The following KAT14 variants were observed in gnomAD, a reference collection of about 807,000 sequenced individuals.
The protein encoded by KAT14 is cysteine-rich protein 2-binding protein.
KAT14 carries 66 observed loss-of-function variants against 78.4 expected under a neutral mutation model. That is an observed-to-expected ratio of 0.84 (90% CI 0.69 to 1.03). KAT14 has a LOEUF of 1.03. KAT14 is among the 50% of genes least tolerant of loss of function. The probability of loss-of-function intolerance (pLI) is 0.00; values close to 1 mark genes in which losing one functional copy is unlikely to be tolerated. For synonymous variants in KAT14, 344 were observed against 359.4 expected (o/e 0.96, Z 0.48); for missense variants, 870 against 972.5 (o/e 0.89, Z 1.40).
At chr20:18,173,351 C>A (rs1352318511) in intron 7 of KAT14, among the ~76,000 whole-genome samples, 1 of 152,202 alleles carries the variant, frequency 6.6e-6, no homozygotes, top group East Asian at 1.9e-4. Flanking sequence ...TGCTGTGATT[C>A]TCTTTCTCTC....
At chr20:18,162,994 G>T (rs1276240588) in intron 7 of KAT14, 49 bp downstream of exon 7, 2 of 1,583,496 alleles carry the variant, frequency 1.3e-6, no homozygotes, top group East Asian at 4.5e-5. Flanking sequence ...GAGTGGAGGT[G>T]GGGCAGGCAG....
At chr20:18,170,268 A>G (rs961206709) in intron 7 of KAT14, among the ~76,000 whole-genome samples, 19 of 152,222 alleles carry the variant, frequency 1.2e-4, no homozygotes, top group African/African-American at 4.6e-4. Context: ...TAGGACTTTC[A>G]TAGTTAGAGA....
At chr20:18,153,377 G>T (rs2038116059) in intron 4 of KAT14, among the ~76,000 whole-genome samples, 1 of 152,160 alleles carries the variant, frequency 6.6e-6, no homozygotes, top group Non-Finnish European at 1.5e-5. Context: ...ATAAGGAAAA[G>T]AAATCTGTTG....
In KAT14 at chr20:18,143,215, C is replaced by G; in HGVS notation, c.259+296C>G. On this transcript the variant is annotated intron_variant, in intron 2 of 10. Transcript: ENST00000688188. ...TAGCCATATTTTTCTAACAAGGTCA[C>G]AGAGATTTAGGGCCAAATTCCAGTC... 2.7e-6 allele frequency: 3 copies of G among 1,103,148 alleles called. No individual in the cohort carries two copies. In the South Asian group the frequency reaches 8.5e-5, roughly 31 times the overall value. The allele number at this position is 1,103,148 out of a possible 1,614,324, so 68.3% of individuals were successfully genotyped here.
chr20:18,141,826 G>A (rs1408152419), intron 1 of KAT14, among the ~76,000 whole-genome samples: 2 of 152,184 alleles, frequency 1.3e-5, no homozygotes, highest in East Asian at 1.9e-4. Context: ...GGAGGTTGCG[G>A]TGAGCTGCGG....
rs1568669495 is a variant in KAT14 at position 18,164,611 on chromosome 20, C to CTTTTTTTTT, written c.1668+1668_1668+1669insTTTTTTTTT. 4.7e-5 allele frequency among the ~76,000 whole-genome samples: 2 copies of CTTTTTTTTT among 42,492 alleles called. 1 individual carries two copies. The highest frequency in any genetic ancestry group is 1.3e-4 in the African/African-American group (2 of 14,986). The allele number at this position is 42,492 out of a possible 152,430, so 27.9% of individuals were successfully genotyped here. ...TTTGTTAGTCATCTATTCACTTGTT[C>CTTTTTTTTT]TTGTTCTTTTTTTTTTTTTTTTTGA... is the stretch of plus-strand genomic sequence containing the variant. On this transcript the variant is annotated intron_variant, in intron 7 of 10. Coordinates refer to ENST00000688188, the MANE Select transcript of KAT14 (RefSeq NM_001392073.1).
Position 18,142,464 on chromosome 20 carries a change from T to C in KAT14, c.-197T>C. 1 of 1,458,492 alleles carries C rather than the reference T, an allele frequency of 6.9e-7. No homozygotes were observed. The highest frequency in any genetic ancestry group is 1.4e-5 in the African/African-American group (1 of 70,410). The allele number at this position is 1,458,492 out of a possible 1,614,324, so 90.3% of individuals were successfully genotyped here. On this transcript the variant is annotated 5_prime_UTR_variant, in exon 2 of 11. Transcript: ENST00000688188. ...TCTTTTTTTTTGGTCACTGTCCTTT[T>C]AAACTTGATCAAATAAAGGACAGTG...
intron 7 of KAT14, among the ~76,000 whole-genome samples, chr20:18,175,740 G>A (rs1313496388): frequency 6.6e-6 from 1 of 151,856 alleles, no homozygotes; most frequent in African/African-American, 2.4e-5. Context: ...TACACCGAGA[G>A]CCGAAACATG....
At position 18,183,218 on chromosome 20, in the gene KAT14, A is replaced by G; in HGVS notation, c.1901A>G (p.Asp634Gly). 1 of 1,614,084 alleles carries G rather than the reference A, an allele frequency of 6.2e-7. No individual in the cohort carries two copies. The highest frequency in any genetic ancestry group is 8.5e-7 in the Non-Finnish European group (1 of 1,180,010). ...RSDPHWTPEP[D>G]APLDYCYVRP... ...GACCCTCACTGGACGCCGGAGCCCG[A>G]CGCACCTCTCGATTACTGTTATGTG... The change falls in exon 9 of 11, where the codon GAC (aspartate) becomes GGC (glycine). Residue 634 changes from aspartate to glycine, a missense_variant. Physicochemically the swap from Asp to Gly is moderately conservative, Grantham distance 94 (BLOSUM62 -1). Transcript: ENST00000688188.
chr20:18,142,955 C>T, intron 2 of KAT14, 36 bp downstream of exon 2: 1 of 1,601,658 alleles, frequency 6.2e-7, no homozygotes, highest in South Asian at 1.1e-5. Context: ...TTTGTCAATT[C>T]CTGTGTGAAG....
chr20:18,145,082 T>C, intron 2 of KAT14, 151 bp from the exon 3 acceptor site: 1 of 1,415,022 alleles, frequency 7.1e-7, no homozygotes, highest in African/African-American at 1.4e-5. Flanking sequence ...ATCTTTCTAA[T>C]TCCCTTCCTT....
chr20:18,151,419 A>G (rs907162485), intron 4 of KAT14, among the ~76,000 whole-genome samples: 18 of 150,394 alleles, frequency 1.2e-4, no homozygotes, highest in African/African-American at 4.4e-4. Context: ...CTGGTCTTGA[A>G]CTCCTGACCA....
chr20:18,168,104 C>G (rs2038715771), intron 7 of KAT14, among the ~76,000 whole-genome samples: 1 of 152,100 alleles, frequency 6.6e-6, no homozygotes, highest in South Asian at 2.1e-4. Context: ...CTTCATTTCA[C>G]TTTTTCATTT....
intron 4 of KAT14, among the ~76,000 whole-genome samples, chr20:18,155,164 G>A (rs73256096): frequency 0.026 from 3,903 of 152,168 alleles, 159 homozygotes; most frequent in African/African-American, 0.087. Context: ...GATTATAGGC[G>A]TGAACCACTG....
At chr20:18,184,485 GTTTTTT>G in intron 9 of KAT14, 111 bp from the exon 10 acceptor site, 10 of 601,218 alleles carry the variant, frequency 1.7e-5, no homozygotes, top group Non-Finnish European at 2.0e-5. Flanking sequence ...CAGTTTTGGT[GTTTTTT>G]TTTTTTTTTT....
intron 7 of KAT14, among the ~76,000 whole-genome samples, chr20:18,166,934 T>G (rs557265885): frequency 2.6e-5 from 4 of 152,344 alleles, no homozygotes; most frequent in South Asian, 4.1e-4. Context: ...TTTCTTTGAA[T>G]CTAGTCAGAG....
intron 7 of KAT14, among the ~76,000 whole-genome samples, chr20:18,163,992 C>T (rs1206891524): frequency 2.6e-5 from 4 of 152,178 alleles, no homozygotes; most frequent in Non-Finnish European, 4.4e-5. Flanking sequence ...AAATCTCATT[C>T]GGAACTCTTC....
At chr20:18,186,215 C>T (rs1164524516) in intron 10 of KAT14, among the ~76,000 whole-genome samples, 1 of 152,158 alleles carries the variant, frequency 6.6e-6, no homozygotes, top group Admixed American at 6.5e-5. Flanking sequence ...TTCATCTTTG[C>T]AGGTGGGCAC....
At position 18,138,033 on chromosome 20, in the gene KAT14, G is replaced by C. The variant is rs764354906; in HGVS notation, c.-472G>C. On this transcript the variant is annotated 5_prime_UTR_variant, in exon 1 of 11. Coordinates refer to ENST00000688188, the MANE Select transcript of KAT14 (RefSeq NM_001392073.1). The stretch of plus-strand genomic sequence containing the variant: ...CCACAGTGGCCGGCGTACATGTGAA[G>C]CAGCAGTGGGACCAGCAGGTCGGTG... 6.7e-7 allele frequency: 1 copy of C among 1,494,412 alleles called. No homozygotes were observed. Among genetic ancestry groups the C allele is most frequent in the Non-Finnish European group, 8.9e-7 (1 of 1,128,762 alleles). The allele number at this position is 1,494,412 out of a possible 1,614,324, so 92.6% of individuals were successfully genotyped here.
Sources: gnomAD v4.1 joint callset for allele counts (sites outside exome capture counted in the v4.1 genomes callset) on GRCh38, gnomAD v4.1.1 for gene constraint, MANE v1.5 for transcripts, NCBI Gene and HGNC (gene_info 2026-07-23, HGNC 2026-07-21) for gene names.